The following PEX3 variants were observed in gnomAD, a reference collection of about 807,000 sequenced individuals.
The protein encoded by PEX3 is peroxin-3.
Under a neutral mutation model 55.8 loss-of-function variants are expected in PEX3, and 30 were observed. The ratio of observed to expected loss-of-function variants is 0.54; its 90% confidence interval spans 0.40 to 0.73. The LOEUF is 0.73. Among genes scored for constraint, PEX3 ranks in the 30% least tolerant of loss-of-function variants. The pLI, the probability that PEX3 is intolerant of heterozygous loss-of-function variation, is 0.00. For synonymous variants in PEX3, 135 were observed against 148.4 expected (o/e 0.91, Z 0.66); for missense variants, 351 against 432.8 (o/e 0.81, Z 1.68).
chr6:143,454,005 T>C lies in PEX3; in HGVS notation c.73+2890T>C, dbSNP rs907585500. 3.3e-5 allele frequency among the ~76,000 whole-genome samples: 5 copies of C among 151,658 alleles called. No homozygotes were observed. Among genetic ancestry groups the C allele is most frequent in the Admixed American group, 2.6e-4 (4 of 15,254 alleles). On this transcript the variant is annotated intron_variant, in intron 1 of 11. Coordinates refer to ENST00000367591, the MANE Select transcript of PEX3 (RefSeq NM_003630.3). The surrounding 1 kb of genome is among the most constrained non-coding windows in gnomAD (Gnocchi z 4.3). Reference sequence around the variant, plus strand: ...TAAATTTTATATCTATTAATAGTTATGATATTCAAAATTAAAATGAAATTT... The same window carrying C: ...TAAATTTTATATCTATTAATAGTTACGATATTCAAAATTAAAATGAAATTT...
In PEX3 at chr6:143,451,527, G is replaced by A. The variant is rs1779764996; in HGVS notation, c.73+412G>A. ...TTCTCAGGAGTTTAATAATAATCTA[G>A]GGAAGTTACCTATAGGCTGCACTTC... On this transcript the variant is annotated intron_variant, in intron 1 of 11. Coordinates refer to ENST00000367591, the MANE Select transcript of PEX3 (RefSeq NM_003630.3). This position sits in a 1 kb window ranked among gnomAD's most constrained non-coding sequence, Gnocchi z 4.1. Among the ~76,000 whole-genome samples, 1 of 152,128 alleles carries A rather than the reference G, an allele frequency of 6.6e-6. No homozygotes were observed. Among genetic ancestry groups the A allele is most frequent in the South Asian group, 2.1e-4 (1 of 4,830 alleles).
In PEX3 at chr6:143,464,416, A is replaced by G. The variant is rs1410702552; in HGVS notation, c.287+1419A>G. Among the ~76,000 whole-genome samples the G allele has an allele frequency of 6.6e-6, 1 of 152,076 alleles. No individual in the cohort carries two copies. Among genetic ancestry groups the G allele is most frequent in the Non-Finnish European group, 1.5e-5 (1 of 67,908 alleles). On this transcript the variant is annotated intron_variant, in intron 3 of 11. Transcript: ENST00000367591. This position sits in a 1 kb window ranked among gnomAD's most constrained non-coding sequence, Gnocchi z 5.8. Reference sequence around the variant, plus strand: ...GACCTTTTCATCCAAAGGAGGAAGTAGACTAAATAAATTATCGTAATTCCG... The same window carrying G: ...GACCTTTTCATCCAAAGGAGGAAGTGGACTAAATAAATTATCGTAATTCCG...
chr6:143,469,200 A>T (rs1278682620), intron 4 of PEX3, among the ~76,000 whole-genome samples: 1 of 152,190 alleles, frequency 6.6e-6, no homozygotes, highest in Non-Finnish European at 1.5e-5. Flanking sequence ...CAGTAATGGG[A>T]TGGCTGGGTC....
In PEX3 at chr6:143,463,062, A is replaced by ATGAAGTTTATAGAAT; in HGVS notation, c.287+65_287+66insTGAAGTTTATAGAAT. ...CTTAAAGTTTATAGAATGAACTGAT[A>ATGAAGTTTATAGAAT]GACTTTTCAAAAATCTTTGTTATTT... On this transcript the variant is annotated intron_variant, in intron 3 of 11. Transcript: ENST00000367591. This position sits in a 1 kb window ranked among gnomAD's most constrained non-coding sequence, Gnocchi z 5.7. 1.7e-6 allele frequency: 2 copies of ATGAAGTTTATAGAAT among 1,163,966 alleles called. No homozygotes were observed. Among genetic ancestry groups the ATGAAGTTTATAGAAT allele is most frequent in the Non-Finnish European group, 2.6e-6 (2 of 778,306 alleles). The allele number at this position is 1,163,966 out of a possible 1,614,324, so 72.1% of individuals were successfully genotyped here.
rs1216562878 is a variant in PEX3 at position 143,463,757 on chromosome 6, TA to T, written c.287+763del. On this transcript the variant is annotated intron_variant, in intron 3 of 11. Coordinates refer to ENST00000367591, the MANE Select transcript of PEX3 (RefSeq NM_003630.3). This position sits in a 1 kb window ranked among gnomAD's most constrained non-coding sequence, Gnocchi z 5.7. ...GCCAGGGGAAAAGTAGTTCTATTTC[TA>T]AACTGTCTCACTGTGCTAGCCCTGG... 6.6e-6 allele frequency among the ~76,000 whole-genome samples: 1 copy of T among 152,190 alleles called. No homozygotes were observed.
Position 143,471,154 on chromosome 6 carries a change from C to T in PEX3, c.456+69C>T. On this transcript the variant is annotated intron_variant, in intron 5 of 11. Transcript: ENST00000367591. This position sits in a 1 kb window ranked among gnomAD's most constrained non-coding sequence, Gnocchi z 5.4. ...AGGTTCAAAGTTTAACTTATTTATC[C>T]TGATAACAATTTCTATGAAATAAAT... is the stretch of plus-strand genomic sequence containing the variant. 7.6e-7 allele frequency: 1 copy of T among 1,319,410 alleles called. No homozygotes were observed. The highest frequency in any genetic ancestry group is 1.1e-6 in the Non-Finnish European group (1 of 916,364). 81.7% of individuals were successfully genotyped at this position (1,319,410 alleles called of 1,614,324 possible). A position where few individuals can be genotyped will look rare whatever the true frequency, so the allele number is the denominator to read the frequency against.
In PEX3 at chr6:143,472,128, A is replaced by G. The variant is rs774498912; in HGVS notation, c.579-32A>G. ...ATATAGGATGTGTTGTATAGTTTCTATTTATCCCAATTCCCTTTTCTCTGT... is the reference window on the plus strand; with the variant it reads ...ATATAGGATGTGTTGTATAGTTTCTGTTTATCCCAATTCCCTTTTCTCTGT... On this transcript the variant is annotated intron_variant, in intron 7 of 11. Coordinates refer to ENST00000367591, the MANE Select transcript of PEX3 (RefSeq NM_003630.3). The G allele has an allele frequency of 2.5e-5, 36 of 1,468,460 alleles. 1 individual carries two copies. The highest frequency in any genetic ancestry group is 2.4e-4 in the South Asian group (21 of 87,890). 91.0% of individuals were successfully genotyped at this position (1,468,460 alleles called of 1,614,324 possible).
chr6:143,485,234 A>T lies in PEX3; in HGVS notation c.1024A>T (p.Ser342Cys), dbSNP rs770233576. Residue 342 changes from serine to cysteine, a missense_variant, in exon 11 of 12, where the codon AGT becomes TGT. By Grantham distance (112) the Ser-to-Cys change is moderately radical. Transcript: ENST00000367591. This position sits in a 1 kb window ranked among gnomAD's most constrained non-coding sequence, Gnocchi z 5.6. Reference protein sequence around the residue: ...QIHSVCSETPSHFVQDLLTME... With the variant: ...QIHSVCSETPCHFVQDLLTME... The stretch of plus-strand genomic sequence containing the variant: ...CCATTCAGTTTGCAGTGAAACACCT[A>T]GTCATTTTGTTCAGGTAAGAAGAAA... The T allele has an allele frequency of 6.3e-7, 1 of 1,575,068 alleles. No homozygotes were observed. The highest frequency in any genetic ancestry group is 1.1e-5 in the South Asian group (1 of 90,316).
rs1216884915 is a variant in PEX3, at chr6:143,485,843, C to T, written c.1038+595C>T. 6.6e-6 allele frequency among the ~76,000 whole-genome samples: 1 copy of T among 151,936 alleles called. No individual in the cohort carries two copies. The highest frequency in any genetic ancestry group is 2.4e-5 in the African/African-American group (1 of 41,358). Reference sequence around the variant, plus strand: ...CATTGAGTAAGACAAATATTATAAACAAAATAACTTTGAATTTCTGAGTCA... The same window carrying T: ...CATTGAGTAAGACAAATATTATAAATAAAATAACTTTGAATTTCTGAGTCA... On this transcript the variant is annotated intron_variant, in intron 11 of 11. Coordinates refer to ENST00000367591, the MANE Select transcript of PEX3 (RefSeq NM_003630.3). This position sits in a 1 kb window ranked among gnomAD's most constrained non-coding sequence, Gnocchi z 5.6.
chr6:143,451,063 T>C lies in PEX3; in HGVS notation c.21T>C (p.Asn7=), dbSNP rs770271917. 3.1e-6 allele frequency: 5 copies of C among 1,613,598 alleles called. No individual in the cohort carries two copies. The highest frequency in any genetic ancestry group is 3.4e-6 in the Non-Finnish European group (4 of 1,179,680). ...TAAAGATGCTGAGGTCTGTATGGAA[T>C]TTTCTGAAACGCCACAAAAAGAAAT... MLRSVW[N]FLKRHKKKCI... Residue 7 remains asparagine (N), a synonymous_variant, in exon 1 of 12, where the codon AAT becomes AAC. Transcript: ENST00000367591. The surrounding 1 kb of genome is among the most constrained non-coding windows in gnomAD (Gnocchi z 4.1).
rs1446263680 is a variant in PEX3, at chr6:143,483,249, T to C, written c.942-1903T>C. 1.3e-5 allele frequency among the ~76,000 whole-genome samples: 2 copies of C among 152,174 alleles called. No homozygotes were observed. The highest frequency in any genetic ancestry group is 4.8e-5 in the African/African-American group (2 of 41,444). The stretch of plus-strand genomic sequence containing the variant: ...AATCAGGCACTGTATTAGGTTTCTG[T>C]TCCCATAGATCTTACAATCTAATTG... On this transcript the variant is annotated intron_variant, in intron 10 of 11. Coordinates refer to ENST00000367591, the MANE Select transcript of PEX3 (RefSeq NM_003630.3). The surrounding 1 kb of genome is among the most constrained non-coding windows in gnomAD (Gnocchi z 4.3).
Position 143,485,502 on chromosome 6 carries a change from A to G in PEX3, c.1038+254A>G, listed in dbSNP as rs944202336. Among the ~76,000 whole-genome samples, 3 of 152,056 alleles carry G rather than the reference A, an allele frequency of 2.0e-5. No individual in the cohort carries two copies. Among genetic ancestry groups the G allele is most frequent in the African/African-American group, 7.2e-5 (3 of 41,406 alleles). On this transcript the variant is annotated intron_variant, in intron 11 of 11. Transcript: ENST00000367591. The surrounding 1 kb of genome is among the most constrained non-coding windows in gnomAD (Gnocchi z 5.6). Reference sequence around the variant, plus strand: ...CTACATTTTAGTCCAGGTGTATTATAGTGGTCAGTTGAATTTATATAGCAT... The same window carrying G: ...CTACATTTTAGTCCAGGTGTATTATGGTGGTCAGTTGAATTTATATAGCAT...
rs889860925 is a variant in PEX3, at chr6:143,462,893, T to C, written c.206-23T>C. 7.9e-5 allele frequency: 119 copies of C among 1,512,814 alleles called. No individual in the cohort carries two copies. Among genetic ancestry groups the C allele is most frequent in the Non-Finnish European group, 1.0e-4 (114 of 1,127,206 alleles). 93.7% of individuals were successfully genotyped at this position (1,512,814 alleles called of 1,614,324 possible). On this transcript the variant is annotated intron_variant, in intron 2 of 11. Coordinates refer to ENST00000367591, the MANE Select transcript of PEX3 (RefSeq NM_003630.3). This position sits in a 1 kb window ranked among gnomAD's most constrained non-coding sequence, Gnocchi z 4.1. ...CAGTCATATCACTTGTGACCTTTTT[T>C]ATTTTTTTTGTTTGTATTACAGTGC...
At position 143,465,366 on chromosome 6, in the gene PEX3, G is replaced by A. The variant is rs923842612; in HGVS notation, c.287+2369G>A. On this transcript the variant is annotated intron_variant, in intron 3 of 11. Transcript: ENST00000367591. This position sits in a 1 kb window ranked among gnomAD's most constrained non-coding sequence, Gnocchi z 4.7. ...GTGTAAACATGAAGAAATGTCCTGG[G>A]TAACTATTACTGTCTTCTCCCACCA... Among the ~76,000 whole-genome samples the A allele has an allele frequency of 6.6e-6, 1 of 151,710 alleles. No homozygotes were observed. The highest frequency in any genetic ancestry group is 1.5e-5 in the Non-Finnish European group (1 of 67,832).
intron 1 of PEX3, among the ~76,000 whole-genome samples, chr6:143,456,596 A>G (rs6926733): frequency 0.32 from 47,916 of 151,910 alleles, 8,606 homozygotes; most frequent in African/African-American, 0.49. Flanking sequence ...CCCTCTCACC[A>G]TGGCTCATAG....
rs1780265785 is a variant in PEX3 at position 143,483,188 on chromosome 6, G to A, written c.942-1964G>A. On this transcript the variant is annotated intron_variant, in intron 10 of 11. Coordinates refer to ENST00000367591, the MANE Select transcript of PEX3 (RefSeq NM_003630.3). The surrounding 1 kb of genome is among the most constrained non-coding windows in gnomAD (Gnocchi z 4.3). ...ACAAAAGAGCAGATGGAAATGGCCAGTTTGTTAATCTAAGATTTATTGAAC... is the reference window on the plus strand; with the variant it reads ...ACAAAAGAGCAGATGGAAATGGCCAATTTGTTAATCTAAGATTTATTGAAC... 6.6e-6 allele frequency among the ~76,000 whole-genome samples: 1 copy of A among 152,134 alleles called. No individual in the cohort carries two copies. Among genetic ancestry groups the A allele is most frequent in the Non-Finnish European group, 1.5e-5 (1 of 68,016 alleles).
rs1164226251 is a variant in PEX3, at chr6:143,454,471, T to G, written c.73+3356T>G. Among the ~76,000 whole-genome samples the G allele has an allele frequency of 6.6e-6, 1 of 152,244 alleles. No homozygotes were observed. The highest frequency in any genetic ancestry group is 1.5e-5 in the Non-Finnish European group (1 of 68,038). On this transcript the variant is annotated intron_variant, in intron 1 of 11. Transcript: ENST00000367591. This position sits in a 1 kb window ranked among gnomAD's most constrained non-coding sequence, Gnocchi z 4.3. The stretch of plus-strand genomic sequence containing the variant: ...CAGAACATTGACTTGGATTTATACC[T>G]TAAATCCTGTAATCTCTGGCTTCAC...
chr6:143,469,889 C>T (rs1378508276), intron 4 of PEX3, among the ~76,000 whole-genome samples: 1 of 151,996 alleles, frequency 6.6e-6, no homozygotes, highest in Admixed American at 6.6e-5. Context: ...TCAGCTAAGC[C>T]TTGCCTATTT....
chr6:143,485,372 C>T lies in PEX3; in HGVS notation c.1038+124C>T. 1.4e-6 allele frequency: 1 copy of T among 714,556 alleles called. No homozygotes were observed. Among genetic ancestry groups the T allele is most frequent in the Non-Finnish European group, 2.6e-6 (1 of 388,526 alleles). The allele number at this position is 714,556 out of a possible 1,614,324, so 44.3% of individuals were successfully genotyped here. A position where few individuals can be genotyped will look rare whatever the true frequency, so the allele number is the denominator to read the frequency against. ...TTTCAAAAAATCACAGAACTTGGAA[C>T]TACATGTAGAGTATGGTAGAGTGTC... is the stretch of plus-strand genomic sequence containing the variant. On this transcript the variant is annotated intron_variant, in intron 11 of 11. Coordinates refer to ENST00000367591, the MANE Select transcript of PEX3 (RefSeq NM_003630.3). This position sits in a 1 kb window ranked among gnomAD's most constrained non-coding sequence, Gnocchi z 5.6.
Sources: gnomAD v4.1 joint callset for allele counts (sites outside exome capture counted in the v4.1 genomes callset) on GRCh38, gnomAD v4.1.1 for gene constraint, Gnocchi (gnomAD v3.1) non-coding constraint, MANE v1.5 for transcripts, NCBI Gene and HGNC (gene_info 2026-07-23, HGNC 2026-07-21) for gene names.